The following ACSL6 variants were observed in gnomAD, a reference collection of about 807,000 sequenced individuals.
ACSL6 encodes the protein acyl-CoA synthetase long chain family member 6.
In ACSL6, 47 loss-of-function variants were observed where a neutral mutation model predicts 98.2. The ratio of observed to expected loss-of-function variants is 0.48; its 90% CI spans 0.38 to 0.61. ACSL6 has a LOEUF of 0.61. Ranked by LOEUF, ACSL6 falls within the 20% of genes least tolerant of loss-of-function variation. The probability of loss-of-function intolerance (pLI) is 0.00; values close to 1 mark genes in which losing one functional copy is unlikely to be tolerated. For synonymous variants in ACSL6, 362 were observed against 336.9 expected (o/e 1.07, Z -0.82); for missense variants, 761 against 913.4 (o/e 0.83, Z 2.15).
chr5:132,002,696 G>A (rs897981814), intron 1 of ACSL6, among the ~76,000 whole-genome samples: 4 of 152,136 alleles, frequency 2.6e-5, no homozygotes, highest in Admixed American at 6.5e-5. Flanking sequence ...AGAGAACAGG[G>A]CTATCGAAGA....
Position 131,985,466 on chromosome 5 carries a change from G to A in ACSL6, c.865-8C>T. 6.2e-7 allele frequency: 1 copy of A among 1,613,540 alleles called. No homozygotes were observed. The highest frequency in any genetic ancestry group is 1.3e-5 in the African/African-American group (1 of 75,010). Reference sequence around the variant, plus strand: ...GTCATCAGGCTGCGGGGGCTGCAGGGGTGAGAAGAGGAGTGTGTTAGGGAG... The same window carrying A: ...GTCATCAGGCTGCGGGGGCTGCAGGAGTGAGAAGAGGAGTGTGTTAGGGAG... On this transcript the variant is annotated splice_region_variant and splice_polypyrimidine_tract_variant and intron_variant, in intron 8 of 20. Coordinates refer to ENST00000651883, the MANE Select transcript of ACSL6 (RefSeq NM_001009185.3).
chr5:131,999,608 C>T (rs977106962), intron 1 of ACSL6: 8 of 152,324 alleles, frequency 5.3e-5, no homozygotes, highest in Admixed American at 4.6e-4. Flanking sequence ...TCTGAGAAGC[C>T]GGGTGGTGGT....
intron 8 of ACSL6, among the ~76,000 whole-genome samples, chr5:131,986,050 A>G (rs1754159787): frequency 6.6e-6 from 1 of 152,258 alleles, no homozygotes; most frequent in African/African-American, 2.4e-5. Flanking sequence ...TTGAGATGGA[A>G]GCGCAAGCAA....
In ACSL6 at chr5:131,988,158, T is replaced by C. The variant is rs1561799576; in HGVS notation, c.721A>G (p.Lys241Glu). 3 of 1,614,148 alleles carry C rather than the reference T, an allele frequency of 1.9e-6. No individual in the cohort carries two copies. The highest frequency in any genetic ancestry group is 1.7e-5 in the Admixed American group (1 of 60,022). The change falls in exon 7 of 21, where the codon AAG becomes GAG. Residue 241 changes from lysine (K) to glutamate (E), a missense_variant. Transcript: ENST00000651883. ...AVLLLEHVER[K>E]ETPGLKLIIL... ...ATCAGCTTGAGGCCTGGAGTCTCCT[T>C]CCTCTCCACATGCTCTAGCAGAAGC...
At chr5:131,957,573 A>G (rs1752479115) in intron 20 of ACSL6, among the ~76,000 whole-genome samples, 1 of 152,262 alleles carries the variant, frequency 6.6e-6, no homozygotes, top group Non-Finnish European at 1.5e-5. Context: ...CAGATCAACC[A>G]AGTCCAGTAA....
Position 131,966,399 on chromosome 5 carries a change from G to T in ACSL6, c.1713+17C>A, listed in dbSNP as rs755362870. 1 of 1,613,014 alleles carries T rather than the reference G, an allele frequency of 6.2e-7. No individual in the cohort carries two copies. The highest frequency in any genetic ancestry group is 8.5e-7 in the Non-Finnish European group (1 of 1,179,372). On this transcript the variant is annotated intron_variant, in intron 17 of 20. Transcript: ENST00000651883. ...ACTGCCAAATGTTTGGAGCTCCGTG[G>T]TTCCAAACATACACACCGGCAGCCA...
chr5:131,973,098 G>A (rs1580648288), intron 12 of ACSL6, among the ~76,000 whole-genome samples, 168 bp downstream of exon 12: 2 of 152,334 alleles, frequency 1.3e-5, no homozygotes, highest in East Asian at 1.9e-4. Context: ...AGAATAGGAA[G>A]AAAACAGGAG....
intron 9 of ACSL6, among the ~76,000 whole-genome samples, chr5:131,978,786 T>C (rs903582582): frequency 4.6e-5 from 7 of 152,220 alleles, no homozygotes; most frequent in Admixed American, 3.9e-4. Context: ...GCTCTCATAA[T>C]TATATCCCAG....
At chr5:131,976,177 G>A (rs1419787355) in intron 10 of ACSL6, 1 of 985,250 alleles carries the variant, frequency 1.0e-6, no homozygotes, top group East Asian at 1.1e-4. Context: ...TTTGATTTTA[G>A]ATTTACCTTT....
intron 9 of ACSL6, among the ~76,000 whole-genome samples, chr5:131,981,491 C>T (rs1753894303): frequency 6.6e-6 from 1 of 152,112 alleles, no homozygotes; most frequent in African/African-American, 2.4e-5. Flanking sequence ...CAGAGGCTCC[C>T]TTATCACCCT....
At chr5:131,985,230 G>A (rs1754111196) in intron 9 of ACSL6, 177 bp downstream of exon 9, 2 of 729,566 alleles carry the variant, frequency 2.7e-6, no homozygotes, top group Non-Finnish European at 4.6e-6. Flanking sequence ...ATCTGCATCT[G>A]GCCACTCTTA....
chr5:131,985,306 C>T (rs1754116725), intron 9 of ACSL6, 101 bp downstream of exon 9: 2 of 1,450,166 alleles, frequency 1.4e-6, no homozygotes, highest in Admixed American at 1.8e-5. Context: ...CAAGGCTCAG[C>T]CCATTTCAAA....
chr5:131,959,463 G>T (rs1752586265), intron 20 of ACSL6, 73 bp downstream of exon 20: 1 of 1,494,428 alleles, frequency 6.7e-7, no homozygotes, highest in East Asian at 2.3e-5. Context: ...TCTAGGTCAG[G>T]GTCACCATGG....
chr5:131,985,162 T>A, intron 9 of ACSL6: 1 of 541,272 alleles, frequency 1.8e-6, no homozygotes, highest in Non-Finnish European at 3.4e-6. Context: ...ATGACTCTGC[T>A]GACTCAGCTC....
rs1371914282 is a variant in ACSL6, at chr5:131,950,015, T to A, written c.*4219A>T. ...CTTTTATTTTTTACAAAAATTTTCATAAATGCATTTTATATTTAATATGCA... is the reference window on the plus strand; with the variant it reads ...CTTTTATTTTTTACAAAAATTTTCAAAAATGCATTTTATATTTAATATGCA... On this transcript the variant is annotated 3_prime_UTR_variant, in exon 21 of 21. Transcript: ENST00000651883. The A allele has an allele frequency of 1.1e-5, 2 of 175,330 alleles. No individual in the cohort carries two copies. Among genetic ancestry groups the A allele is most frequent in the East Asian group, 2.0e-4 (2 of 9,872 alleles). 10.9% of individuals were successfully genotyped at this position (175,330 alleles called of 1,614,324 possible).
intron 2 of ACSL6, among the ~76,000 whole-genome samples, chr5:131,991,241 A>G (rs181673972): frequency 6.6e-6 from 1 of 152,200 alleles, no homozygotes; most frequent in Non-Finnish European, 1.5e-5. Context: ...CACATACAGC[A>G]TTCACACAGC....
chr5:131,974,036 G>C (rs560703435), intron 11 of ACSL6: 12 of 152,654 alleles, frequency 7.9e-5, no homozygotes, highest in African/African-American at 2.6e-4. Flanking sequence ...TACATGACTT[G>C]CCCAGGGTCA....
intron 2 of ACSL6, among the ~76,000 whole-genome samples, chr5:131,991,975 A>T (rs1245976700): frequency 1.3e-5 from 2 of 152,134 alleles, no homozygotes; most frequent in South Asian, 2.1e-4. Context: ...ATCCAATCAG[A>T]CCCAGTTGCA....
At chr5:132,003,388 A>G (rs1307738175) in intron 1 of ACSL6, among the ~76,000 whole-genome samples, 2 of 152,210 alleles carry the variant, frequency 1.3e-5, no homozygotes, top group African/African-American at 4.8e-5. Flanking sequence ...GTGTCCACAG[A>G]GTTAACATTA....
Sources: allele counts gnomAD v4.1 joint callset (sites outside exome capture counted in the v4.1 genomes callset), GRCh38; gene constraint gnomAD v4.1.1; transcripts MANE v1.5; gene names NCBI Gene and HGNC (gene_info 2026-07-23, HGNC 2026-07-21).